Variants in MCF2L2 observed in about 807,000 individuals in gnomAD.
MCF2L2 encodes the protein probable guanine nucleotide exchange factor MCF2L2.
A neutral mutation model predicts 150.2 loss-of-function variants in MCF2L2; 102 were observed. That is an observed-to-expected ratio of 0.68 (90% CI 0.58 to 0.80). MCF2L2 has a LOEUF of 0.80. MCF2L2 is among the 30% of genes least tolerant of loss of function. The pLI, the probability that MCF2L2 is intolerant of heterozygous loss-of-function variation, is 0.00. For missense variants in MCF2L2, 1,256 were observed against 1,372.8 expected (o/e 0.91, Z 1.34); for synonymous variants, 465 against 491.3 (o/e 0.95, Z 0.71).
At chr3:183,375,330 T>C (rs1318219209) in intron 3 of MCF2L2, 3 of 152,198 alleles carry the variant, frequency 2.0e-5, no homozygotes, top group Non-Finnish European at 2.9e-5. Context: ...ATTTTGTGAC[T>C]CTCCTTGACT....
At chr3:183,266,281 T>C (rs768727271) in intron 15 of MCF2L2, among the ~76,000 whole-genome samples, 1 of 152,218 alleles carries the variant, frequency 6.6e-6, no homozygotes, top group Non-Finnish European at 1.5e-5. Flanking sequence ...CAAGCTGGCA[T>C]TGGAGCTTGC....
chr3:183,403,331 G>A (rs907727254), intron 1 of MCF2L2, among the ~76,000 whole-genome samples: 8 of 152,304 alleles, frequency 5.3e-5, no homozygotes, highest in African/African-American at 1.9e-4. Flanking sequence ...GAGTCTTAGC[G>A]CTCACCGTTT....
At chr3:183,195,156 C>T in intron 26 of MCF2L2, 66 bp downstream of exon 26, 12 of 1,243,098 alleles carry the variant, frequency 9.7e-6, no homozygotes, top group Non-Finnish European at 1.4e-5. Context: ...AAAGCAATGA[C>T]ATGGACTCAA....
intron 11 of MCF2L2, chr3:183,298,100 T>C (rs569656844): frequency 6.6e-6 from 1 of 152,338 alleles, no homozygotes; most frequent in African/African-American, 2.4e-5. Flanking sequence ...AATGCAAAGC[T>C]TTGTAACTCA....
chr3:183,320,133 C>T (rs1216821959), intron 6 of MCF2L2, among the ~76,000 whole-genome samples: 1 of 146,974 alleles, frequency 6.8e-6, no homozygotes, highest in Non-Finnish European at 1.5e-5. Flanking sequence ...GCTCTTGTTG[C>T]CCAGGCTGGA....
chr3:183,253,234 G>GCCCGCCCCCAT (rs1724672547), intron 15 of MCF2L2: 1 of 151,156 alleles, frequency 6.6e-6, no homozygotes. Context: ...CCCCGCCCGG[G>GCCCGCCCCCAT]CCCGCCCCCA....
Position 183,428,173 on chromosome 3 carries a change from C to T in MCF2L2, c.-196G>A. The stretch of plus-strand genomic sequence containing the variant: ...CCACGCCCCGCGGGGGCTCCCGTGA[C>T]AGACCAAGTCTGGCGCTTTCCCAGC... On this transcript the variant is annotated 5_prime_UTR_variant, in exon 1 of 30. Coordinates refer to ENST00000328913, the MANE Select transcript of MCF2L2 (RefSeq NM_015078.4). The surrounding 1 kb of genome is among the most constrained non-coding windows in gnomAD (Gnocchi z 5.1). 1.8e-6 allele frequency: 1 copy of T among 567,788 alleles called. No individual in the cohort carries two copies. The allele number at this position is 567,788 out of a possible 1,614,324, so 35.2% of individuals were successfully genotyped here. A position where few individuals can be genotyped will look rare whatever the true frequency, so the allele number is the denominator to read the frequency against.
intron 9 of MCF2L2, among the ~76,000 whole-genome samples, chr3:183,310,186 C>T (rs1316502514): frequency 6.6e-6 from 1 of 151,662 alleles, no homozygotes; most frequent in East Asian, 2.0e-4. Flanking sequence ...CATAGGGAGA[C>T]CTCGTCTCTG....
At chr3:183,358,986 G>A (rs1205397852) in intron 3 of MCF2L2, among the ~76,000 whole-genome samples, 1 of 150,840 alleles carries the variant, frequency 6.6e-6, no homozygotes, top group Non-Finnish European at 1.5e-5. Flanking sequence ...TCATGAAGCA[G>A]TGGAAAAGTT....
At chr3:183,335,110 T>A (rs1730421485) in intron 5 of MCF2L2, among the ~76,000 whole-genome samples, 1 of 138,258 alleles carries the variant, frequency 7.2e-6, no homozygotes, top group South Asian at 2.2e-4. Flanking sequence ...AGAGAGAGAC[T>A]CTGTCTTAAA....
chr3:183,314,515 T>C (rs1729517369), intron 7 of MCF2L2, among the ~76,000 whole-genome samples: 2 of 152,152 alleles, frequency 1.3e-5, no homozygotes, highest in South Asian at 4.1e-4. Flanking sequence ...TCTCCTATTC[T>C]GTTTGATTGT....
chr3:183,403,071 C>G (rs1714857119), intron 1 of MCF2L2, among the ~76,000 whole-genome samples: 1 of 151,758 alleles, frequency 6.6e-6, no homozygotes, highest in South Asian at 2.1e-4. Context: ...ACCTGAAGTT[C>G]GAGACCAGCC....
chr3:183,399,491 C>A (rs1237016355), intron 1 of MCF2L2, among the ~76,000 whole-genome samples: 1 of 152,174 alleles, frequency 6.6e-6, no homozygotes, highest in African/African-American at 2.4e-5. Flanking sequence ...AAGAAGCAGT[C>A]TTAGAAACAA....
intron 7 of MCF2L2, among the ~76,000 whole-genome samples, chr3:183,313,801 T>C (rs1463366165): frequency 6.6e-6 from 1 of 152,208 alleles, no homozygotes; most frequent in Non-Finnish European, 1.5e-5. Flanking sequence ...CAGGGTCCCG[T>C]TGGTGGCAGG....
chr3:183,311,640 T>C lies in MCF2L2; in HGVS notation c.878+8A>G. 6.2e-7 allele frequency: 1 copy of C among 1,613,856 alleles called. No homozygotes were observed. Among genetic ancestry groups the C allele is most frequent in the African/African-American group, 1.3e-5 (1 of 75,028 alleles). On this transcript the variant is annotated splice_region_variant and intron_variant, in intron 8 of 29. Transcript: ENST00000328913. ...CCTGAAAAGGCTGATTCCACTTCACTCACTCACCTTTCCATGGTAGTTACA... is the reference window on the plus strand; with the variant it reads ...CCTGAAAAGGCTGATTCCACTTCACCCACTCACCTTTCCATGGTAGTTACA...
chr3:183,296,465 T>C (rs79718633), intron 12 of MCF2L2: 3,420 of 158,178 alleles, frequency 0.022, 73 homozygotes, highest in East Asian at 0.051. Flanking sequence ...TCCTCCTGTC[T>C]GGAAAGGCTC....
At chr3:183,211,741 C>T (rs1234540971) in intron 22 of MCF2L2, among the ~76,000 whole-genome samples, 2 of 152,214 alleles carry the variant, frequency 1.3e-5, no homozygotes, top group African/African-American at 2.4e-5. Flanking sequence ...TATTTATTGG[C>T]ATTCCCTAGT....
intron 11 of MCF2L2, chr3:183,297,642 C>CCCTCCCTCCCTTCCTTCCTTCCTTCCTT: frequency 6.8e-6 from 1 of 146,230 alleles, no homozygotes; most frequent in East Asian, 2.1e-4. Flanking sequence ...CTTCCTTCCT[C>CCCTCCCTCCCTTCCTTCCTTCCTTCCTT]CCTTCCTTCC....
At chr3:183,194,808 C>T (rs894037506) in intron 26 of MCF2L2, among the ~76,000 whole-genome samples, 29 of 152,228 alleles carry the variant, frequency 1.9e-4, no homozygotes, top group African/African-American at 7.0e-4. Flanking sequence ...TTGAGATAGG[C>T]TCTCGCTCTG....
Sources: allele counts gnomAD v4.1 joint callset (sites outside exome capture counted in the v4.1 genomes callset), GRCh38; gene constraint gnomAD v4.1.1; non-coding constraint Gnocchi (gnomAD v3.1); transcripts MANE v1.5; gene names NCBI Gene and HGNC (gene_info 2026-07-23, HGNC 2026-07-21).